CTNND2: variants seen among roughly 807,000 people sequenced by gnomAD.
CTNND2 encodes catenin delta-2.
CTNND2 carries 22 observed loss-of-function variants against 144.4 expected under a neutral mutation model. The ratio of observed to expected loss-of-function variants is 0.15; its 90% CI spans 0.11 to 0.22. CTNND2 has a LOEUF of 0.22. CTNND2 is among the 10% of genes least tolerant of loss of function. The probability of loss-of-function intolerance (pLI) is 1.00; values close to 1 mark genes in which losing one functional copy is unlikely to be tolerated. For synonymous variants in CTNND2, 751 were observed against 695.6 expected, an observed-to-expected ratio of 1.08 and a Z score of -1.25; for missense variants, 1,353 against 1,618.8, an observed-to-expected ratio of 0.84 and a Z score of 2.82.
At chr5:11,548,057 GA>G (rs921335189) in intron 3 of CTNND2, among the ~76,000 whole-genome samples, 5 of 149,054 alleles carry the variant, frequency 3.4e-5, no homozygotes, top group Admixed American at 6.7e-5. Context: ...ATCAGTGAAA[GA>G]AAAAAAAAAT....
intron 3 of CTNND2, 56 bp downstream of exon 3, chr5:11,564,888 G>T: frequency 1.6e-6 from 2 of 1,214,906 alleles, no homozygotes; most frequent in East Asian, 2.4e-5. Context: ...GAAACATCAC[G>T]ATTTACTTGC....
intron 3 of CTNND2, among the ~76,000 whole-genome samples, chr5:11,423,609 T>A (rs538126005): frequency 6.6e-6 from 1 of 152,204 alleles, no homozygotes; most frequent in Non-Finnish European, 1.5e-5. Context: ...TGTGATTCTA[T>A]GTGTGATATT....
intron 16 of CTNND2, among the ~76,000 whole-genome samples, chr5:11,049,943 G>C (rs955016015): frequency 2.6e-5 from 4 of 152,158 alleles, no homozygotes; most frequent in Non-Finnish European, 5.9e-5. Flanking sequence ...TAACAAATAA[G>C]AATGGAGATA....
At chr5:11,409,699 A>G (rs1054140502) in intron 5 of CTNND2, among the ~76,000 whole-genome samples, 1 of 152,098 alleles carries the variant, frequency 6.6e-6, no homozygotes, top group Admixed American at 6.5e-5. Flanking sequence ...ATTCCAATTT[A>G]TCTCACATTA....
At chr5:11,294,286 A>G (rs573364815) in intron 9 of CTNND2, among the ~76,000 whole-genome samples, 185 of 152,090 alleles carry the variant, frequency 1.2e-3, no homozygotes, top group African/African-American at 4.3e-3. Flanking sequence ...CCTTTTTAGT[A>G]TTTGGGTGAT....
At chr5:11,877,423 T>A (rs1206814403) in intron 1 of CTNND2, among the ~76,000 whole-genome samples, 1 of 152,146 alleles carries the variant, frequency 6.6e-6, no homozygotes, top group African/African-American at 2.4e-5. Flanking sequence ...TGAAATTCAT[T>A]ATGATGTCTC....
rs575271981 is a variant in CTNND2 at position 11,672,469 on chromosome 5, A to G, written c.174+59667T>C. Among the ~76,000 whole-genome samples the G allele has an allele frequency of 2.0e-5, 3 of 152,116 alleles. No homozygotes were observed. The South Asian group carries it at 6.2e-4, about 32-fold the overall frequency. ...ACTGGGGCTGCTCACTTTTTTTCAG[A>G]GATGCCTTGCCCAGCAAGGAGAAAT... On this transcript the variant is annotated intron_variant, in intron 2 of 21. Transcript: ENST00000304623.
chr5:11,487,972 G>A (rs193026524), intron 3 of CTNND2, among the ~76,000 whole-genome samples: 1 of 152,124 alleles, frequency 6.6e-6, no homozygotes, highest in South Asian at 2.1e-4. Context: ...CCTGCAGATA[G>A]CAGGTATGTC....
intron 11 of CTNND2, among the ~76,000 whole-genome samples, chr5:11,167,818 C>T (rs1759495372): frequency 6.6e-6 from 1 of 151,614 alleles, no homozygotes; most frequent in African/African-American, 2.4e-5. Flanking sequence ...GATCCTCCCA[C>T]CTCCGCCACT....
intron 3 of CTNND2, among the ~76,000 whole-genome samples, chr5:11,502,275 A>G (rs1369459316): frequency 1.3e-5 from 2 of 152,128 alleles, no homozygotes; most frequent in Non-Finnish European, 2.9e-5. Context: ...TGCAACCACT[A>G]TGTGCTGTGC....
intron 2 of CTNND2, among the ~76,000 whole-genome samples, chr5:11,609,530 G>A (rs11738796): frequency 0.36 from 55,410 of 151,994 alleles, 10,905 homozygotes; most frequent in Middle Eastern, 0.6. Context: ...CTCATGGAGA[G>A]AATGATATTT....
intron 9 of CTNND2, among the ~76,000 whole-genome samples, chr5:11,285,291 GTTGTA>G (rs1210280491): frequency 2.0e-5 from 3 of 152,166 alleles, no homozygotes; most frequent in African/African-American, 7.2e-5. Flanking sequence ...ACTTTTCCTT[GTTGTA>G]TTCAGAATGA....
intron 10 of CTNND2, among the ~76,000 whole-genome samples, chr5:11,206,536 C>T (rs1289835125): frequency 4.6e-5 from 7 of 152,156 alleles, no homozygotes; most frequent in East Asian, 1.9e-4. Flanking sequence ...TCTATCACTT[C>T]GTGTAAATTT....
intron 10 of CTNND2, among the ~76,000 whole-genome samples, chr5:11,210,189 G>C (rs896708735): frequency 3.9e-5 from 6 of 152,130 alleles, no homozygotes; most frequent in African/African-American, 1.2e-4. Flanking sequence ...TTGAGGTCAG[G>C]AGTTTGAGAC....
At chr5:11,354,597 A>C (rs568923649) in intron 8 of CTNND2, among the ~76,000 whole-genome samples, 1 of 152,318 alleles carries the variant, frequency 6.6e-6, no homozygotes, top group African/African-American at 2.4e-5. Flanking sequence ...CATATAAATA[A>C]ATTTTAGAAT....
chr5:11,298,924 C>T lies in CTNND2; in HGVS notation c.1628+47448G>A, dbSNP rs190038191. On this transcript the variant is annotated intron_variant, in intron 9 of 21. Coordinates refer to ENST00000304623, the MANE Select transcript of CTNND2 (RefSeq NM_001332.4). ...ACTTGGTAAACACTTTAGAACAATG[C>T]GTAATGATTGGTGGTGAATTATTAT... is the stretch of plus-strand genomic sequence containing the variant. Among the ~76,000 whole-genome samples the T allele has an allele frequency of 2.9e-3, 434 of 152,202 alleles. 1 individual carries two copies. Among genetic ancestry groups the T allele is most frequent in the African/African-American group, 9.9e-3 (409 of 41,518 alleles).
chr5:11,204,243 A>C lies in CTNND2; in HGVS notation c.1762-4582T>G, dbSNP rs561888592. Among the ~76,000 whole-genome samples, 3 of 152,340 alleles carry C rather than the reference A, an allele frequency of 2.0e-5. No homozygotes were observed. The East Asian group carries it at 5.8e-4, about 29-fold the overall frequency. On this transcript the variant is annotated intron_variant, in intron 10 of 21. Coordinates refer to ENST00000304623, the MANE Select transcript of CTNND2 (RefSeq NM_001332.4). ...TTTTGTTTTTGGGTTGTTTACAGTGAGGGCATTCTTGAACCTGATGCAGAT... is the reference window on the plus strand; with the variant it reads ...TTTTGTTTTTGGGTTGTTTACAGTGCGGGCATTCTTGAACCTGATGCAGAT...
intron 9 of CTNND2, among the ~76,000 whole-genome samples, chr5:11,338,735 A>T (rs1206960280): frequency 6.6e-6 from 1 of 152,214 alleles, no homozygotes; most frequent in African/African-American, 2.4e-5. Context: ...ATTGTTTATT[A>T]TAAGTACTGA....
At chr5:11,525,374 T>C (rs988601293) in intron 3 of CTNND2, among the ~76,000 whole-genome samples, 1 of 152,164 alleles carries the variant, frequency 6.6e-6, no homozygotes, top group African/African-American at 2.4e-5. Flanking sequence ...CATTGTCTTT[T>C]TGTACCATGA....
Sources: allele counts gnomAD v4.1 joint callset (sites outside exome capture counted in the v4.1 genomes callset), GRCh38; gene constraint gnomAD v4.1.1; transcripts MANE v1.5; gene names NCBI Gene and HGNC (gene_info 2026-07-23, HGNC 2026-07-21).